Variants in MOCOS observed in about 807,000 individuals in gnomAD.
MOCOS encodes molybdenum cofactor sulfurase, also known as human molybdenum cofactor sulfurase.
Under a neutral mutation model 83.6 loss-of-function variants are expected in MOCOS, and 86 were observed. That is an observed-to-expected ratio of 1.03 (90% CI 0.86 to 1.23). MOCOS has a LOEUF of 1.23. MOCOS is among the 50% of genes most tolerant of loss of function. The probability of loss-of-function intolerance (pLI) is 0.00; values close to 1 mark genes in which losing one functional copy is unlikely to be tolerated. For missense variants in MOCOS, 1,120 were observed against 1,126.9 expected, an observed-to-expected ratio of 0.99 and a Z score of 0.09; for synonymous variants, 445 against 434.7, an observed-to-expected ratio of 1.02 and a Z score of -0.29.
rs772062423 is a variant in MOCOS at position 36,215,523 on chromosome 18, A to G, written c.1343A>G (p.His448Arg). The G allele has an allele frequency of 1.2e-6, 2 of 1,613,802 alleles. No homozygotes were observed. The highest frequency in any genetic ancestry group is 1.7e-6 in the Non-Finnish European group (2 of 1,179,974). ...ACTTCCCTCTTATCCTAGGCTGGTC[A>G]TGTCTGTGGGGACAATATGGACCTC... is the stretch of plus-strand genomic sequence containing the variant. Reference protein sequence around the residue: ...EMVRKHFQAGHVCGDNMDLID... With the variant: ...EMVRKHFQAGRVCGDNMDLID... Residue 448 changes from histidine (H) to arginine (R), a missense_variant, in exon 8 of 15, where the codon CAT becomes CGT. By Grantham distance (29) the His-to-Arg change is conservative. Coordinates refer to ENST00000261326, the MANE Select transcript of MOCOS (RefSeq NM_017947.4).
At position 36,205,208 on chromosome 18, in the gene MOCOS, G is replaced by A; in HGVS notation, c.1150G>A (p.Glu384Lys). Residue 384 changes from glutamate (E) to lysine (K), a missense_variant, in exon 6 of 15, where the codon GAG becomes AAG. By Grantham distance (56) the Glu-to-Lys change is moderately conservative. Transcript: ENST00000261326. ...CAGCGATTCTGAGTTCAGCAGCCCT[G>A]AGGTTCAGGGCCCAATCATCAATTT... ...IYSDSEFSSPEVQGPIINFNV... is the reference protein window; with the variant it reads ...IYSDSEFSSPKVQGPIINFNV... 1 of 1,613,978 alleles carries A rather than the reference G, an allele frequency of 6.2e-7. No homozygotes were observed. Among genetic ancestry groups the A allele is most frequent in the Non-Finnish European group, 8.5e-7 (1 of 1,179,996 alleles).
intron 9 of MOCOS, among the ~76,000 whole-genome samples, chr18:36,235,691 C>T (rs1244380590): frequency 2.0e-5 from 3 of 151,698 alleles, no homozygotes; most frequent in Non-Finnish European, 4.4e-5. Flanking sequence ...GTTCTAGATC[C>T]TGAGGAATCG....
In MOCOS at chr18:36,193,317, C is replaced by CAAAAAAA. The variant is rs555145311; in HGVS notation, c.143-1908_143-1902dup. ...TGGGCGACAGAGCGAGACTCCGTCT[C>CAAAAAAA]AAAAAAAAAAAAAAAAAAAAAAAAA... On this transcript the variant is annotated intron_variant, in intron 1 of 14. Transcript: ENST00000261326. Among the ~76,000 whole-genome samples the CAAAAAAA allele has an allele frequency of 5.0e-4, 19 of 38,308 alleles. 1 individual carries two copies. Among genetic ancestry groups the CAAAAAAA allele is most frequent in the South Asian group, 1.3e-3 (1 of 766 alleles). 25.1% of individuals were successfully genotyped at this position (38,308 alleles called of 152,430 possible).
At position 36,271,342 on chromosome 18, in the gene MOCOS, TTGAA is replaced by T. The variant is rs1231530404; in HGVS notation, c.*2659_*2662del. The T allele has an allele frequency of 1.3e-5, 2 of 152,130 alleles. No homozygotes were observed. Among genetic ancestry groups the T allele is most frequent in the Admixed American group, 6.5e-5 (1 of 15,284 alleles). 9.4% of individuals were successfully genotyped at this position (152,130 alleles called of 1,614,324 possible). On this transcript the variant is annotated 3_prime_UTR_variant, in exon 15 of 15. Coordinates refer to ENST00000261326, the MANE Select transcript of MOCOS (RefSeq NM_017947.4). The stretch of plus-strand genomic sequence containing the variant: ...TGCCCCTATTTTTATCATTAATTGA[TTGAA>T]TATTAATTAAATATATTTTATTAAT...
At chr18:36,204,961 C>G (rs2091428885) in intron 5 of MOCOS, 116 bp from the exon 6 acceptor site, 2 of 964,774 alleles carry the variant, frequency 2.1e-6, no homozygotes, top group Non-Finnish European at 3.0e-6. Flanking sequence ...CCACTGCACT[C>G]CAGCCTGGGT....
intron 9 of MOCOS, among the ~76,000 whole-genome samples, chr18:36,247,416 C>A (rs2091606311): frequency 6.6e-6 from 1 of 152,178 alleles, no homozygotes; most frequent in Admixed American, 6.5e-5. Context: ...AAAGTTTGTG[C>A]TCAGTTAAAA....
chr18:36,216,071 C>T, intron 8 of MOCOS, 94 bp downstream of exon 8: 8 of 1,295,176 alleles, frequency 6.2e-6, no homozygotes, highest in Admixed American at 2.1e-5. Context: ...AAATCAAAAT[C>T]ATTCATCAGA....
chr18:36,194,273 TTA>T (rs1278056546), intron 1 of MOCOS, among the ~76,000 whole-genome samples: 1 of 152,188 alleles, frequency 6.6e-6, no homozygotes, highest in Non-Finnish European at 1.5e-5. Context: ...AGAGTGAATT[TTA>T]TGTTATATCT....
intron 9 of MOCOS, among the ~76,000 whole-genome samples, chr18:36,243,125 T>C (rs1291751499): frequency 1.3e-5 from 2 of 152,240 alleles, no homozygotes; most frequent in African/African-American, 4.8e-5. Context: ...GTTGATTTTG[T>C]ATCCTGAAAC....
At chr18:36,214,110 G>A (rs1432502493) in intron 7 of MOCOS, among the ~76,000 whole-genome samples, 1 of 151,092 alleles carries the variant, frequency 6.6e-6, no homozygotes, top group Admixed American at 6.6e-5. Flanking sequence ...GTGTGGTGGT[G>A]CATGCCTGTA....
rs538853114 is a variant in MOCOS, at chr18:36,249,746, T to C, written c.2039+746T>C. 2.0e-5 allele frequency among the ~76,000 whole-genome samples: 3 copies of C among 152,184 alleles called. No individual in the cohort carries two copies. The South Asian group carries it at 6.2e-4, about 32-fold the overall frequency. ...AGAGAGAAAGTCAGGAAGCTGCAGG[T>C]ATGTATTCTGGAAATAGAATAACCT... On this transcript the variant is annotated intron_variant, in intron 10 of 14. Transcript: ENST00000261326.
intron 9 of MOCOS, among the ~76,000 whole-genome samples, chr18:36,238,290 T>C (rs1410723862): frequency 2.7e-5 from 4 of 150,444 alleles, no homozygotes; most frequent in Non-Finnish European, 3.0e-5. Context: ...AATTTCCCTC[T>C]ACACACTGCT....
chr18:36,196,659 T>C (rs780404078), intron 2 of MOCOS, among the ~76,000 whole-genome samples: 5 of 152,076 alleles, frequency 3.3e-5, no homozygotes, highest in Admixed American at 6.5e-5. Context: ...TTTGCAAAGG[T>C]TCTTGTAATT....
At chr18:36,224,175 GT>G (rs1232031095) in intron 9 of MOCOS, among the ~76,000 whole-genome samples, 2 of 152,068 alleles carry the variant, frequency 1.3e-5, no homozygotes, top group African/African-American at 2.4e-5. Flanking sequence ...TAGTTTAACA[GT>G]TTTTTAAAAT....
rs927524382 is a variant in MOCOS, at chr18:36,272,033, G to A, written c.*3348G>A. The A allele has an allele frequency of 1.3e-5, 2 of 152,212 alleles. No homozygotes were observed. The highest frequency in any genetic ancestry group is 2.9e-5 in the Non-Finnish European group (2 of 68,044). The allele number at this position is 152,212 out of a possible 1,614,324, so 9.4% of individuals were successfully genotyped here. A position where few individuals can be genotyped will look rare whatever the true frequency, so the allele number is the denominator to read the frequency against. On this transcript the variant is annotated 3_prime_UTR_variant, in exon 15 of 15. Transcript: ENST00000261326. ...TTGGGGAAAGACAGACTAGGTAATA[G>A]TCAGATGTGATATAGTATGTTTAAG...
At chr18:36,209,492 C>T (rs896283568) in intron 6 of MOCOS, among the ~76,000 whole-genome samples, 1 of 151,988 alleles carries the variant, frequency 6.6e-6, no homozygotes, top group South Asian at 2.1e-4. Flanking sequence ...CTCCCCAATC[C>T]CACCCTTCCC....
intron 9 of MOCOS, among the ~76,000 whole-genome samples, chr18:36,246,305 T>C (rs2091601891): frequency 6.6e-6 from 1 of 152,208 alleles, no homozygotes; most frequent in Admixed American, 6.5e-5. Flanking sequence ...CATTCTTTTG[T>C]CCCAGGGGTG....
chr18:36,202,666 C>A (rs1050389564), intron 4 of MOCOS, among the ~76,000 whole-genome samples: 2 of 152,184 alleles, frequency 1.3e-5, no homozygotes, highest in African/African-American at 4.8e-5. Flanking sequence ...CAATTTCACA[C>A]TGTTATAAAG....
intron 9 of MOCOS, among the ~76,000 whole-genome samples, chr18:36,234,315 G>A (rs939471097): frequency 1.3e-5 from 2 of 152,072 alleles, no homozygotes; most frequent in Non-Finnish European, 2.9e-5. Flanking sequence ...GTTTTTGTTT[G>A]CTTTGTCGAA....
Sources: gnomAD v4.1 joint callset for allele counts (sites outside exome capture counted in the v4.1 genomes callset) on GRCh38, gnomAD v4.1.1 for gene constraint, MANE v1.5 for transcripts, NCBI Gene and HGNC (gene_info 2026-07-23, HGNC 2026-07-21) for gene names.